The following TGM2 variants were observed in gnomAD, a reference collection of about 807,000 sequenced individuals.
TGM2 encodes protein-glutamine gamma-glutamyltransferase 2.
In TGM2, 53 loss-of-function variants were observed where a neutral mutation model predicts 75.6. That is an observed-to-expected ratio of 0.70 (90% CI 0.56 to 0.88). The LOEUF (loss-of-function observed/expected upper bound fraction) is 0.88, where lower values mean the gene tolerates loss of function less well. Ranked by LOEUF, TGM2 falls within the 40% of genes least tolerant of loss-of-function variation. TGM2 has a pLI of 0.00. For synonymous variants in TGM2, 374 were observed against 381.1 expected (o/e 0.98, Z 0.22); for missense variants, 842 against 928.5 (o/e 0.91, Z 1.21).
Position 38,148,215 on chromosome 20 carries a change from C to T in TGM2, c.553-126G>A, listed in dbSNP as rs776514288. 4.1e-5 allele frequency: 52 copies of T among 1,267,132 alleles called. 1 individual carries two copies. In the South Asian group the frequency reaches 4.3e-4, roughly 11 times the overall value. The allele number at this position is 1,267,132 out of a possible 1,614,324, so 78.5% of individuals were successfully genotyped here. ...ACACAGCAGACTGGGACACTCCGGC[C>T]GAGTCTACCAAATCTCTCTGGTGGC... On this transcript the variant is annotated intron_variant, in intron 4 of 12. Transcript: ENST00000361475.
At chr20:38,164,796 C>T (rs2075293086) in intron 1 of TGM2, among the ~76,000 whole-genome samples, 1 of 152,160 alleles carries the variant, frequency 6.6e-6, no homozygotes, top group Non-Finnish European at 1.5e-5. Context: ...GCGTGGCATG[C>T]ACACCACCTG....
intron 6 of TGM2, chr20:38,146,452 T>C: frequency 1.8e-6 from 1 of 549,304 alleles, no homozygotes; most frequent in Admixed American, 3.3e-5. Context: ...TCCTGAGTTT[T>C]TGAGAACGTG....
Position 38,151,378 on chromosome 20 carries a change from G to C in TGM2, c.434-321C>G, listed in dbSNP as rs45496702. ...GGATCCTTGAAAGCCCCATTTTAAA[G>C]ACCAGAAAACTAAGGCTCAGGAATA... On this transcript the variant is annotated intron_variant, in intron 3 of 12. Transcript: ENST00000361475. Among the ~76,000 whole-genome samples, 21 of 152,228 alleles carry C rather than the reference G, an allele frequency of 1.4e-4. No individual in the cohort carries two copies. The East Asian group carries it at 3.7e-3, about 27-fold the overall frequency.
intron 10 of TGM2, among the ~76,000 whole-genome samples, chr20:38,135,929 C>T (rs1031299960): frequency 1.3e-5 from 2 of 152,208 alleles, no homozygotes; most frequent in African/African-American, 4.8e-5. Context: ...GGCATGTCAT[C>T]ACCCCATGTA....
chr20:38,159,671 C>T (rs965298952), intron 2 of TGM2, among the ~76,000 whole-genome samples: 17 of 152,196 alleles, frequency 1.1e-4, no homozygotes, highest in African/African-American at 3.4e-4. Flanking sequence ...GCTGCAGGGA[C>T]ATAGGGATGA....
chr20:38,136,795 T>G (rs2074906283), intron 10 of TGM2, among the ~76,000 whole-genome samples: 1 of 152,124 alleles, frequency 6.6e-6, no homozygotes, highest in Non-Finnish European at 1.5e-5. Flanking sequence ...GCCCTGGGCT[T>G]GATTCCTGGT....
chr20:38,130,678 TAA>T (rs1156543707), intron 12 of TGM2, among the ~76,000 whole-genome samples: 4 of 151,906 alleles, frequency 2.6e-5, no homozygotes, highest in Non-Finnish European at 4.4e-5. Flanking sequence ...TTACTGTATA[TAA>T]GTTACATTAC....
At chr20:38,165,704 A>ACG (rs1358910906), upstream of TGM2, among the ~76,000 whole-genome samples, 3 of 150,414 alleles carry the variant, frequency 2.0e-5, no homozygotes, top group Non-Finnish European at 3.0e-5. Flanking sequence ...ACACACACGC[A>ACG]CACACTCACA....
intron 8 of TGM2, among the ~76,000 whole-genome samples, chr20:38,140,479 G>C (rs1326354358): frequency 6.6e-6 from 1 of 152,034 alleles, no homozygotes; most frequent in Non-Finnish European, 1.5e-5. Flanking sequence ...TGAACCCTAT[G>C]ATGGGGAAAA....
At chr20:38,154,486 C>T (rs1459848710) in intron 3 of TGM2, among the ~76,000 whole-genome samples, 1 of 152,210 alleles carries the variant, frequency 6.6e-6, no homozygotes, top group Non-Finnish European at 1.5e-5. Context: ...TGACTGGCAA[C>T]CCCTGCCTCC....
Position 38,131,101 on chromosome 20 carries a change from C to T in TGM2, c.1905G>A (p.Thr635=), listed in dbSNP as rs143580997. 6.6e-4 allele frequency: 1,062 copies of T among 1,612,382 alleles called. 8 individuals carry two copies. In the African/African-American group the frequency reaches 0.013, roughly 19 times the overall value. The change falls in exon 12 of 13, where the codon ACG becomes ACA. Residue 635 remains threonine (T), a synonymous_variant. Coordinates refer to ENST00000361475, the MANE Select transcript of TGM2 (RefSeq NM_004613.4). The part of the protein sequence containing the change: ...EGAGLTEEQK[T]VEIPDPVEAG... ...GAGCAGCCAGCACTTACATCTCCAC[C>T]GTCTTCTGCTCCTCAGTCAGGCCGG...
intron 5 of TGM2, 97 bp from the exon 6 acceptor site, chr20:38,146,991 G>A: frequency 3.0e-6 from 4 of 1,346,314 alleles, no homozygotes; most frequent in Non-Finnish European, 4.1e-6. Flanking sequence ...GAAAGCTGGG[G>A]AGGGGAGCTC....
intron 10 of TGM2, among the ~76,000 whole-genome samples, chr20:38,137,696 T>C (rs559037936): frequency 2.7e-4 from 41 of 152,108 alleles, no homozygotes; most frequent in African/African-American, 8.7e-4. Flanking sequence ...GAAGGGCCCA[T>C]GGAGAGAGGC....
Position 38,141,348 on chromosome 20 carries a change from G to A in TGM2, c.1033C>T (p.Pro345Ser), listed in dbSNP as rs2074971264. 4 of 1,590,586 alleles carry A rather than the reference G, an allele frequency of 2.5e-6. No homozygotes were observed. Among genetic ancestry groups the A allele is most frequent in the Non-Finnish European group, 2.6e-6 (3 of 1,168,452 alleles). The change falls in exon 8 of 13, where the codon CCG becomes TCG. Residue 345 changes from proline to serine, a missense_variant. Physicochemically the swap from Pro to Ser is moderately conservative, Grantham distance 74. Transcript: ENST00000361475. ...HCWVESWMTR[P>S]DLQPGYEGWQ... ...CCCTCGTACCCCGGCTGCAGGTCCG[G>A]CCTGGTCATCCACGACTCCACCCAG...
At chr20:38,161,304 G>T in intron 2 of TGM2, 116 bp downstream of exon 2, 1 of 1,390,740 alleles carries the variant, frequency 7.2e-7, no homozygotes, top group East Asian at 2.5e-5. Flanking sequence ...ATCTCCCAGG[G>T]AACAAAGAAG....
At chr20:38,132,589 G>C in intron 10 of TGM2, 89 bp from the exon 11 acceptor site, 1 of 1,547,932 alleles carries the variant, frequency 6.5e-7, no homozygotes, top group Non-Finnish European at 8.9e-7. Context: ...AGAGGGGAAG[G>C]AATGTGCTTG....
At chr20:38,132,277 A>G (rs1294259578) in intron 11 of TGM2, 63 bp downstream of exon 11, 1 of 1,579,664 alleles carries the variant, frequency 6.3e-7, no homozygotes, top group Non-Finnish European at 8.7e-7. Flanking sequence ...GGGGGTAGGG[A>G]TCTGCCCTCT....
At position 38,155,980 on chromosome 20, in the gene TGM2, G is replaced by A; in HGVS notation, c.300C>T (p.Leu100=). ...ATVVDQQDCT[L]SLQLTTPANA... is the part of the protein sequence containing the mutation. ...TGGCCGGGGTGGTGAGCTGCAGCGA[G>A]AGGGTGCAGTCTTGCTGGTCCACCA... is the stretch of plus-strand genomic sequence containing the variant. Residue 100 remains leucine (L), a synonymous_variant, in exon 3 of 13, where the codon CTC becomes CTT. Transcript: ENST00000361475. The A allele has an allele frequency of 1.2e-6, 2 of 1,613,584 alleles. No homozygotes were observed. Among genetic ancestry groups the A allele is most frequent in the Non-Finnish European group, 1.7e-6 (2 of 1,179,880 alleles).
At chr20:38,130,931 G>T (rs199541181) in intron 12 of TGM2, among the ~76,000 whole-genome samples, 162 bp downstream of exon 12, 1 of 152,176 alleles carries the variant, frequency 6.6e-6, no homozygotes, top group East Asian at 1.9e-4. Flanking sequence ...AGAATGTGAC[G>T]GTGGGAACTC....
Sources: gnomAD v4.1 joint callset for allele counts (sites outside exome capture counted in the v4.1 genomes callset) on GRCh38, gnomAD v4.1.1 for gene constraint, MANE v1.5 for transcripts, NCBI Gene and HGNC (gene_info 2026-07-23, HGNC 2026-07-21) for gene names.